Variants in MTOR observed in about 807,000 individuals in gnomAD.
The protein encoded by MTOR is mechanistic target of rapamycin kinase.
Under a neutral mutation model 319.8 loss-of-function variants are expected in MTOR, and 70 were observed. The ratio of observed to expected loss-of-function variants is 0.22; its 90% CI spans 0.18 to 0.27. The LOEUF is 0.27. Ranked by LOEUF, MTOR falls within the 10% of genes least tolerant of loss-of-function variation. The pLI is 1.00. For synonymous variants in MTOR, 1,183 were observed against 1,211.4 expected, an observed-to-expected ratio of 0.98 and a Z score of 0.49; for missense variants, 1,890 against 3,274.4, an observed-to-expected ratio of 0.58 and a Z score of 10.32.
In MTOR at chr1:11,192,420, C is replaced by A. The variant is rs762478183; in HGVS notation, c.4253+6838G>T. 10 of 1,456,806 alleles carry A rather than the reference C, an allele frequency of 6.9e-6. No individual in the cohort carries two copies. The South Asian group carries it at 1.1e-4, about 17-fold the overall frequency. The allele number at this position is 1,456,806 out of a possible 1,614,324, so 90.2% of individuals were successfully genotyped here. A position where few individuals can be genotyped will look rare whatever the true frequency, so the allele number is the denominator to read the frequency against. On this transcript the variant is annotated intron_variant, in intron 28 of 57. Transcript: ENST00000361445. ...ATGCCCTAATACCTGTCCTTCACCC[C>A]CTCAAGGGGACTACAACAACAGGGC...
intron 28 of MTOR, chr1:11,192,504 C>T (rs966676400): frequency 1.4e-6 from 1 of 708,490 alleles, no homozygotes; most frequent in Non-Finnish European, 2.4e-6. Context: ...ACCTGTAATC[C>T]CAGCACTATG....
intron 26 of MTOR, among the ~76,000 whole-genome samples, chr1:11,204,012 G>A (rs907923064): frequency 7.9e-5 from 12 of 152,264 alleles, no homozygotes; most frequent in African/African-American, 2.9e-4. Context: ...AGGAACCAAG[G>A]CCCCCAGCCA....
intron 28 of MTOR, among the ~76,000 whole-genome samples, chr1:11,176,176 G>A (rs1644981572): frequency 1.3e-5 from 2 of 152,172 alleles, no homozygotes; most frequent in African/African-American, 4.8e-5. Context: ...AGAGAAACCT[G>A]GAGAACATTG....
chr1:11,127,692 C>A lies in MTOR; in HGVS notation c.6148G>T (p.Val2050Leu). 1 of 1,614,122 alleles carries A rather than the reference C, an allele frequency of 6.2e-7. No individual in the cohort carries two copies. The highest frequency in any genetic ancestry group is 8.5e-7 in the Non-Finnish European group (1 of 1,180,042). Residue 2050 changes from valine (V) to leucine (L), a missense_variant, in exon 44 of 58, where the codon GTG becomes TTG. Physicochemically the swap from Val to Leu is conservative, Grantham distance 32 (BLOSUM62 1). Around this residue, in one of 15 missense-constraint regions of MTOR, gnomAD observed 249 missense variants for 596.2 expected, o/e 0.42. Transcript: ENST00000361445. This position sits in a 1 kb window ranked among gnomAD's most constrained non-coding sequence, Gnocchi z 5.5. The part of the protein sequence containing the change: ...GERNVKGMFE[V>L]LEPLHAMMER... Reference sequence around the variant, plus strand: ...ATCATAGCATGCAAGGGCTCCAGCACCTCAAACATGCCTTTCACGTTCCTT... The same window carrying A: ...ATCATAGCATGCAAGGGCTCCAGCAACTCAAACATGCCTTTCACGTTCCTT...
At chr1:11,144,920 TGGAAATAAGCC>T in intron 33 of MTOR, 37 bp downstream of exon 33, 1 of 1,600,664 alleles carries the variant, frequency 6.2e-7, no homozygotes, top group Non-Finnish European at 8.6e-7. Context: ...GAAAAAAGTA[TGGAAATAAGCC>T]TCAAAAATGA....
chr1:11,164,749 T>A (rs1644589666), intron 29 of MTOR, among the ~76,000 whole-genome samples: 1 of 152,230 alleles, frequency 6.6e-6, no homozygotes, highest in Admixed American at 6.5e-5. Context: ...ACTCATTTTA[T>A]GAGGCCAGCA....
At chr1:11,244,270 C>A (rs1379148373) in intron 8 of MTOR, among the ~76,000 whole-genome samples, 1 of 112,384 alleles carries the variant, frequency 8.9e-6, no homozygotes, top group African/African-American at 3.1e-5. Flanking sequence ...CCAGCCTGGG[C>A]AACAAGAGCA....
chr1:11,209,372 A>T lies in MTOR; in HGVS notation c.3741T>A (p.Ser1247Arg). ...LRSGQGDALA[S>R]GPVETGPMKK... ...TCATGGGTCCTGTTTCCACTGGTCCACTAGCCAATGCATCCCCTTGGCCAC... is the reference window on the plus strand; with the variant it reads ...TCATGGGTCCTGTTTCCACTGGTCCTCTAGCCAATGCATCCCCTTGGCCAC... Residue 1247 changes from serine to arginine, a missense_variant, in exon 25 of 58, where the codon AGT becomes AGA. By Grantham distance (110) the Ser-to-Arg change is moderately radical. This residue lies in a region of MTOR where 115 missense variants were observed against 105.7 expected (regional missense o/e 1.09). Coordinates refer to ENST00000361445, the MANE Select transcript of MTOR (RefSeq NM_004958.4). The T allele has an allele frequency of 4.3e-6, 7 of 1,614,214 alleles. No individual in the cohort carries two copies. Among genetic ancestry groups the T allele is most frequent in the Non-Finnish European group, 5.9e-6 (7 of 1,180,020 alleles).
In MTOR at chr1:11,121,976, T is replaced by G; in HGVS notation, c.6810+3A>C. ...CACTAGCTCTCGTGGCCGCATCACA[T>G]ACCCGCAACATGATGCGATGCTCGA... On this transcript the variant is annotated splice_donor_region_variant and intron_variant, in intron 48 of 57. Coordinates refer to ENST00000361445, the MANE Select transcript of MTOR (RefSeq NM_004958.4). This position sits in a 1 kb window ranked among gnomAD's most constrained non-coding sequence, Gnocchi z 4.9. 1 of 1,613,946 alleles carries G rather than the reference T, an allele frequency of 6.2e-7. No homozygotes were observed. Among genetic ancestry groups the G allele is most frequent in the Non-Finnish European group, 8.5e-7 (1 of 1,179,890 alleles).
intron 49 of MTOR, among the ~76,000 whole-genome samples, chr1:11,118,828 G>A (rs1049427113): frequency 9.9e-5 from 15 of 151,690 alleles, no homozygotes; most frequent in African/African-American, 2.9e-4. Context: ...GTTTTGCGAC[G>A]CTGCCCAGGC....
chr1:11,233,854 G>A (rs189131033), intron 14 of MTOR, among the ~76,000 whole-genome samples: 2 of 152,134 alleles, frequency 1.3e-5, no homozygotes, highest in Non-Finnish European at 2.9e-5. Context: ...CATTTTGGGC[G>A]AGCTATTTTA....
chr1:11,118,293 A>G (rs1642296937), intron 49 of MTOR, among the ~76,000 whole-genome samples: 1 of 132,922 alleles, frequency 7.5e-6, no homozygotes, highest in African/African-American at 3.1e-5. Flanking sequence ...CTGGAGTGCA[A>G]TGGCACAATC....
At chr1:11,190,978 A>G (rs1645507856) in intron 28 of MTOR, among the ~76,000 whole-genome samples, 1 of 152,232 alleles carries the variant, frequency 6.6e-6, no homozygotes, top group Non-Finnish European at 1.5e-5. Context: ...CTTTCTAAGC[A>G]TGGACTTCCG....
intron 36 of MTOR, among the ~76,000 whole-genome samples, chr1:11,137,038 C>CA (rs979381443): frequency 1.3e-5 from 2 of 150,380 alleles, no homozygotes; most frequent in African/African-American, 4.9e-5. Flanking sequence ...GACGGTGCTT[C>CA]ACCATGTTGT....
At position 11,212,242 on chromosome 1, in the gene MTOR, T is replaced by C. The variant is rs766809604; in HGVS notation, c.3561+70A>G. ...TGGCTGGCATCAGACAAAGTCTGAG[T>C]GGCTCACAGACAAAGTCTTCTTTCC... is the stretch of plus-strand genomic sequence containing the variant. On this transcript the variant is annotated intron_variant, in intron 23 of 57. Transcript: ENST00000361445. The surrounding 1 kb of genome is among the most constrained non-coding windows in gnomAD (Gnocchi z 4.1). 5.9e-6 allele frequency: 9 copies of C among 1,519,888 alleles called. No homozygotes were observed. The highest frequency in any genetic ancestry group is 3.5e-4 in the Middle Eastern group (2 of 5,672). The allele number at this position is 1,519,888 out of a possible 1,614,324, so 94.2% of individuals were successfully genotyped here.
intron 29 of MTOR, among the ~76,000 whole-genome samples, chr1:11,162,870 C>T (rs1644521473): frequency 6.6e-6 from 1 of 152,176 alleles, no homozygotes; most frequent in Non-Finnish European, 1.5e-5. Flanking sequence ...GAAGAAACCG[C>T]ATCAACTAAC....
rs1311537599 is a variant in MTOR at position 11,133,245 on chromosome 1, C to T, written c.5247-48G>A. On this transcript the variant is annotated intron_variant, in intron 37 of 57. Coordinates refer to ENST00000361445, the MANE Select transcript of MTOR (RefSeq NM_004958.4). This position sits in a 1 kb window ranked among gnomAD's most constrained non-coding sequence, Gnocchi z 4.0. Reference sequence around the variant, plus strand: ...CCATGACATTCCCTCCTCAAAACAGCCCTCCTAAGAGGACCACAAATTGTT... The same window carrying T: ...CCATGACATTCCCTCCTCAAAACAGTCCTCCTAAGAGGACCACAAATTGTT... 1.3e-6 allele frequency: 2 copies of T among 1,521,146 alleles called. No homozygotes were observed. Among genetic ancestry groups the T allele is most frequent in the Non-Finnish European group, 9.1e-7 (1 of 1,096,106 alleles). 94.2% of individuals were successfully genotyped at this position (1,521,146 alleles called of 1,614,324 possible). A position where few individuals can be genotyped will look rare whatever the true frequency, so the allele number is the denominator to read the frequency against.
intron 28 of MTOR, among the ~76,000 whole-genome samples, chr1:11,182,671 C>T (rs1645196607): frequency 6.6e-6 from 1 of 152,086 alleles, no homozygotes; most frequent in South Asian, 2.1e-4. Flanking sequence ...CCTCTGTGTC[C>T]CCAGAGGTCT....
At position 11,199,622 on chromosome 1, in the gene MTOR, C is replaced by T. The variant is rs2100746533; in HGVS notation, c.4026G>A (p.Glu1342=). The T allele has an allele frequency of 6.2e-7, 1 of 1,614,208 alleles. No individual in the cohort carries two copies. The highest frequency in any genetic ancestry group is 8.5e-7 in the Non-Finnish European group (1 of 1,180,028). ...DQQDELIRSI[E]LALTSQDIAE... The stretch of plus-strand genomic sequence containing the variant: ...CGATGTCTTGTGAGGTGAGGGCCAA[C>T]TCGATGCTTCTGATGAGCTCATCCT... Residue 1342 remains glutamate (E), a synonymous_variant, in exon 27 of 58, where the codon GAG becomes GAA. Transcript: ENST00000361445. The surrounding 1 kb of genome is among the most constrained non-coding windows in gnomAD (Gnocchi z 4.5).
Sources: allele counts gnomAD v4.1 joint callset (sites outside exome capture counted in the v4.1 genomes callset), GRCh38; gene constraint gnomAD v4.1.1; regional missense constraint gnomAD v4.1.1; non-coding constraint Gnocchi (gnomAD v3.1); transcripts MANE v1.5; gene names NCBI Gene and HGNC (gene_info 2026-07-23, HGNC 2026-07-21).